The following CTNNA3 variants were observed in gnomAD, a reference collection of about 807,000 sequenced individuals.
CTNNA3 encodes the protein catenin alpha-3.
CTNNA3 carries 76 observed loss-of-function variants against 95.7 expected under a neutral mutation model. That is an observed-to-expected ratio of 0.79 (90% confidence interval 0.66 to 0.96). CTNNA3 has a LOEUF of 0.96. Ranked by LOEUF, CTNNA3 falls within the 40% of genes least tolerant of loss-of-function variation. CTNNA3 has a pLI of 0.00. For missense variants in CTNNA3, 1,191 were observed against 1,089.8 expected (o/e 1.09, Z -1.31); for synonymous variants, 431 against 374.4 (o/e 1.15, Z -1.74).
chr10:66,610,672 T>A (rs552557991), intron 10 of CTNNA3, among the ~76,000 whole-genome samples: 1 of 152,130 alleles, frequency 6.6e-6, no homozygotes, highest in Non-Finnish European at 1.5e-5. Context: ...TCATACATTG[T>A]TGGTGGGAAT....
At chr10:66,317,005 T>C (rs1336448069) in intron 12 of CTNNA3, among the ~76,000 whole-genome samples, 1 of 152,152 alleles carries the variant, frequency 6.6e-6, no homozygotes, top group African/African-American at 2.4e-5. Flanking sequence ...TGAAAGTTCA[T>C]AAAATGCACA....
At chr10:65,932,987 ATAT>A (rs1385565791) in intron 17 of CTNNA3, among the ~76,000 whole-genome samples, 1 of 152,100 alleles carries the variant, frequency 6.6e-6, no homozygotes, top group Non-Finnish European at 1.5e-5. Context: ...GGCAATCCTC[ATAT>A]GAACTGACCC....
At chr10:66,489,564 G>A (rs2441740) in intron 11 of CTNNA3, among the ~76,000 whole-genome samples, 10,435 of 151,900 alleles carry the variant, frequency 0.069, 988 homozygotes, top group East Asian at 0.45. Flanking sequence ...ACACACTTGC[G>A]CATGCACACA....
At chr10:66,176,519 A>G (rs1369534331) in intron 13 of CTNNA3, among the ~76,000 whole-genome samples, 1 of 152,128 alleles carries the variant, frequency 6.6e-6, no homozygotes, top group Non-Finnish European at 1.5e-5. Flanking sequence ...AAATATATGT[A>G]AAATTCACAA....
intron 5 of CTNNA3, among the ~76,000 whole-genome samples, chr10:67,306,653 T>G (rs537272470): frequency 7.9e-5 from 12 of 152,170 alleles, no homozygotes; most frequent in Non-Finnish European, 1.6e-4. Context: ...TGATGATATT[T>G]TACCAGCTAA....
intron 11 of CTNNA3, among the ~76,000 whole-genome samples, chr10:66,477,251 C>G (rs1839359617): frequency 6.6e-6 from 1 of 152,002 alleles, no homozygotes. Context: ...AATGGCATTT[C>G]TGGGCCTTAT....
intron 11 of CTNNA3, among the ~76,000 whole-genome samples, chr10:66,497,662 T>C (rs1371559953): frequency 1.3e-5 from 2 of 152,100 alleles, no homozygotes; most frequent in Non-Finnish European, 2.9e-5. Context: ...TGACATGGCA[T>C]ATTTTGTATT....
intron 12 of CTNNA3, among the ~76,000 whole-genome samples, chr10:66,336,982 T>C (rs1345374745): frequency 1.3e-5 from 2 of 152,098 alleles, no homozygotes; most frequent in African/African-American, 4.8e-5. Flanking sequence ...GTATAACAGA[T>C]TGACTGCAGA....
At chr10:66,225,674 G>A (rs2089245579) in intron 13 of CTNNA3, among the ~76,000 whole-genome samples, 1 of 151,644 alleles carries the variant, frequency 6.6e-6, no homozygotes, top group Non-Finnish European at 1.5e-5. Context: ...CAAAATAGAT[G>A]TCCTAATTTA....
intron 13 of CTNNA3, among the ~76,000 whole-genome samples, chr10:66,148,602 T>C (rs1282378920): frequency 6.6e-6 from 1 of 152,138 alleles, no homozygotes; most frequent in East Asian, 1.9e-4. Flanking sequence ...GCTTCCTCCA[T>C]ATGAGGAATA....
chr10:66,903,242 T>A (rs1673348176), intron 7 of CTNNA3, among the ~76,000 whole-genome samples: 1 of 152,148 alleles, frequency 6.6e-6, no homozygotes, highest in African/African-American at 2.4e-5. Context: ...TCAGTAAACA[T>A]AATCCATCAC....
At chr10:67,696,467 A>G (rs150507874), upstream of CTNNA3, among the ~76,000 whole-genome samples, 7 of 152,336 alleles carry the variant, frequency 4.6e-5, no homozygotes, top group East Asian at 1.3e-3. Context: ...AAATCCTCAC[A>G]TCAAAAGATC....
chr10:67,413,681 A>G (rs1478973749), intron 5 of CTNNA3, among the ~76,000 whole-genome samples: 1 of 152,178 alleles, frequency 6.6e-6, no homozygotes, highest in Non-Finnish European at 1.5e-5. Flanking sequence ...ATGCTCAGTC[A>G]TAAAGCAGGC....
At chr10:67,203,419 C>G (rs1339060696) in intron 6 of CTNNA3, among the ~76,000 whole-genome samples, 1 of 152,124 alleles carries the variant, frequency 6.6e-6, no homozygotes, top group African/African-American at 2.4e-5. Flanking sequence ...AACCTCTTTC[C>G]TCTATAAATT....
chr10:66,733,765 G>A (rs1457096866), intron 9 of CTNNA3, among the ~76,000 whole-genome samples: 4 of 151,580 alleles, frequency 2.6e-5, no homozygotes, highest in Non-Finnish European at 4.4e-5. Flanking sequence ...TTTGTGAAAA[G>A]CTTCTTTACA....
chr10:67,750,012 C>T (rs1157996639), intron 1 of CTNNA3, among the ~76,000 whole-genome samples: 3 of 152,172 alleles, frequency 2.0e-5, no homozygotes, highest in Non-Finnish European at 4.4e-5. Context: ...GTCTGCACCA[C>T]CTTTTAAGAG....
chr10:66,865,616 A>G (rs1844143546), intron 7 of CTNNA3, among the ~76,000 whole-genome samples: 1 of 152,128 alleles, frequency 6.6e-6, no homozygotes, highest in Non-Finnish European at 1.5e-5. Flanking sequence ...ATATGCAATT[A>G]TATTATATAA....
intron 5 of CTNNA3, among the ~76,000 whole-genome samples, chr10:67,422,017 T>C (rs539764564): frequency 6.6e-6 from 1 of 152,258 alleles, no homozygotes; most frequent in Admixed American, 6.5e-5. Flanking sequence ...ATGCATAGTC[T>C]GAATTTAATC....
intron 7 of CTNNA3, among the ~76,000 whole-genome samples, chr10:67,077,420 C>A (rs892823526): frequency 1.3e-5 from 2 of 152,156 alleles, no homozygotes; most frequent in African/African-American, 4.8e-5. Flanking sequence ...TCCCACCTGA[C>A]CCAGTCCCTT....
Sources: allele counts gnomAD v4.1 joint callset (sites outside exome capture counted in the v4.1 genomes callset), GRCh38; gene constraint gnomAD v4.1.1; transcripts MANE v1.5; gene names NCBI Gene and HGNC (gene_info 2026-07-23, HGNC 2026-07-21).